GLCE: variants seen among roughly 807,000 people sequenced by gnomAD.
GLCE encodes the protein D-glucuronyl C5-epimerase.
GLCE carries 19 observed loss-of-function variants against 47.9 expected under a neutral mutation model. The observed-to-expected ratio is 0.40, with a 90% confidence interval of 0.28 to 0.58. The LOEUF (loss-of-function observed/expected upper bound fraction) is 0.58. Ranked by LOEUF, GLCE falls within the 20% of genes least tolerant of loss-of-function variation. The pLI is 0.48. For synonymous variants in GLCE, 245 were observed against 263.4 expected (o/e 0.93, Z 0.68); for missense variants, 556 against 743.3 (o/e 0.75, Z 2.93).
chr15:69,233,023 A>G (rs2052546192), intron 2 of GLCE, among the ~76,000 whole-genome samples: 2 of 152,204 alleles, frequency 1.3e-5, no homozygotes. Flanking sequence ...ACAGTGTAAG[A>G]TGACTTACTT....
In GLCE at chr15:69,244,259, C is replaced by T. The variant is rs577687548; in HGVS notation, c.-13-11535C>T. 4.6e-5 allele frequency among the ~76,000 whole-genome samples: 7 copies of T among 152,272 alleles called. No individual in the cohort carries two copies. The East Asian group carries it at 9.7e-4, about 21-fold the overall frequency. The stretch of plus-strand genomic sequence containing the variant: ...CTTAGAATAAAATACATAACATTCA[C>T]AATCATGACTCTCATTTCTGTCCCT... On this transcript the variant is annotated intron_variant, in intron 2 of 4. Transcript: ENST00000261858.
intron 1 of GLCE, among the ~76,000 whole-genome samples, chr15:69,190,206 C>G (rs941639286): frequency 6.6e-6 from 1 of 151,986 alleles, no homozygotes; most frequent in African/African-American, 2.4e-5. Context: ...TTTTATGGCT[C>G]AGAATATAGT....
At chr15:69,188,447 CTT>C (rs569023566) in intron 1 of GLCE, among the ~76,000 whole-genome samples, 12 of 152,228 alleles carry the variant, frequency 7.9e-5, no homozygotes, top group African/African-American at 2.9e-4. Context: ...AGTGTTCTCT[CTT>C]CTTCAATTTT....
At chr15:69,192,977 C>T (rs753380030) in intron 1 of GLCE, among the ~76,000 whole-genome samples, 2 of 151,978 alleles carry the variant, frequency 1.3e-5, no homozygotes, top group Non-Finnish European at 2.9e-5. Flanking sequence ...GGGGGTTCAC[C>T]CTCCACATGT....
chr15:69,223,608 G>A (rs1410997559), intron 2 of GLCE, among the ~76,000 whole-genome samples: 2 of 152,082 alleles, frequency 1.3e-5, no homozygotes, highest in East Asian at 1.9e-4. Context: ...GTTTATACTC[G>A]TGTCTTTCAT....
intron 2 of GLCE, among the ~76,000 whole-genome samples, chr15:69,230,236 A>C (rs552501477): frequency 3.9e-4 from 59 of 152,054 alleles, no homozygotes; most frequent in Non-Finnish European, 7.9e-4. Context: ...AACGAAAAGT[A>C]AACAGATGAA....
At chr15:69,236,555 G>A (rs577550256) in intron 2 of GLCE, among the ~76,000 whole-genome samples, 164 of 152,254 alleles carry the variant, frequency 1.1e-3, no homozygotes, top group Middle Eastern at 0.01. Flanking sequence ...CCTATAATCT[G>A]GTTTCATTTT....
chr15:69,221,569 T>TA (rs35751008), intron 2 of GLCE, among the ~76,000 whole-genome samples: 84,557 of 151,584 alleles, frequency 0.56, 25,164 homozygotes, highest in Admixed American at 0.67. Flanking sequence ...ATTAACTAAT[T>TA]AAAAAAAATT....
intron 1 of GLCE, among the ~76,000 whole-genome samples, chr15:69,205,613 A>G (rs1478699762): frequency 6.6e-6 from 1 of 152,094 alleles, no homozygotes; most frequent in Non-Finnish European, 1.5e-5. Flanking sequence ...TCCATCAGCA[A>G]TGTATGAGTG....
intron 1 of GLCE, among the ~76,000 whole-genome samples, chr15:69,208,986 A>G (rs763533039): frequency 6.6e-6 from 1 of 152,060 alleles, no homozygotes; most frequent in East Asian, 1.9e-4. Context: ...CTGTATGTTC[A>G]GATTGGATCA....
intron 2 of GLCE, 112 bp from the exon 3 acceptor site, chr15:69,255,682 T>A: frequency 1.7e-6 from 1 of 592,900 alleles, no homozygotes; most frequent in Non-Finnish European, 2.9e-6. Flanking sequence ...TGATCCAAAA[T>A]TGTCCTAATA....
chr15:69,186,971 A>C (rs921933977), intron 1 of GLCE, among the ~76,000 whole-genome samples: 2 of 152,292 alleles, frequency 1.3e-5, no homozygotes, highest in South Asian at 2.1e-4. Flanking sequence ...AGCACATTTC[A>C]TTGCTGAGAA....
Position 69,271,677 on chromosome 15 carries a change from A to G in GLCE, c.*2433A>G, listed in dbSNP as rs17360825. 4,652 of 152,256 alleles carry G rather than the reference A, an allele frequency of 0.031. 92 individuals are homozygous for G. Among genetic ancestry groups the G allele is most frequent in the Non-Finnish European group, 0.044 (2,993 of 67,964 alleles). The allele number at this position is 152,256 out of a possible 1,614,324, so 9.4% of individuals were successfully genotyped here. A position where few individuals can be genotyped will look rare whatever the true frequency, so the allele number is the denominator to read the frequency against. On this transcript the variant is annotated 3_prime_UTR_variant, in exon 5 of 5. Transcript: ENST00000261858. Reference sequence around the variant, plus strand: ...GTATTAGGTTTGTTTTTGTTTTTCCACTTATCTTGAGTTCACTTTGATGTT... The same window carrying G: ...GTATTAGGTTTGTTTTTGTTTTTCCGCTTATCTTGAGTTCACTTTGATGTT...
chr15:69,270,946 G>C lies in GLCE; in HGVS notation c.*1702G>C, dbSNP rs1229364803. The C allele has an allele frequency of 6.6e-6, 1 of 152,146 alleles. No homozygotes were observed. Among genetic ancestry groups the C allele is most frequent in the African/African-American group, 2.4e-5 (1 of 41,414 alleles). The allele number at this position is 152,146 out of a possible 1,614,324, so 9.4% of individuals were successfully genotyped here. A position where few individuals can be genotyped will look rare whatever the true frequency, so the allele number is the denominator to read the frequency against. On this transcript the variant is annotated 3_prime_UTR_variant, in exon 5 of 5. Transcript: ENST00000261858. ...TTAGATGTCTCAGCAAGAATATCTG[G>C]TCTCCCCTAATTTTTATTCCCAGTG...
intron 1 of GLCE, among the ~76,000 whole-genome samples, chr15:69,181,913 A>G (rs1186550439): frequency 1.3e-5 from 2 of 151,910 alleles, no homozygotes; most frequent in Non-Finnish European, 2.9e-5. Flanking sequence ...GTGTGTAAGT[A>G]AAAAGGTTGG....
intron 1 of GLCE, among the ~76,000 whole-genome samples, chr15:69,201,166 G>A (rs2140363478): frequency 6.6e-6 from 1 of 152,194 alleles, no homozygotes; most frequent in South Asian, 2.1e-4. Context: ...GGATAATACA[G>A]AGTAATCTCT....
chr15:69,227,005 A>G (rs2052458829), intron 2 of GLCE, among the ~76,000 whole-genome samples: 1 of 152,012 alleles, frequency 6.6e-6, no homozygotes, highest in Non-Finnish European at 1.5e-5. Context: ...TCGGCCTCCC[A>G]AAGTGCTGGA....
intron 2 of GLCE, among the ~76,000 whole-genome samples, chr15:69,213,814 A>G (rs1341726322): frequency 6.6e-6 from 1 of 152,104 alleles, no homozygotes; most frequent in Non-Finnish European, 1.5e-5. Flanking sequence ...TTTATCAATT[A>G]TAATTCTTCT....
At chr15:69,247,491 C>G (rs1301256455) in intron 2 of GLCE, among the ~76,000 whole-genome samples, 1 of 152,220 alleles carries the variant, frequency 6.6e-6, no homozygotes, top group Non-Finnish European at 1.5e-5. Flanking sequence ...GGCTGTTTCA[C>G]TTTCTTTTCA....
Sources: allele counts gnomAD v4.1 joint callset (sites outside exome capture counted in the v4.1 genomes callset), GRCh38; gene constraint gnomAD v4.1.1; transcripts MANE v1.5; gene names NCBI Gene and HGNC (gene_info 2026-07-23, HGNC 2026-07-21).